The following SCN9A variants were observed in gnomAD, a reference collection of about 807,000 sequenced individuals.
SCN9A encodes the protein sodium voltage-gated channel alpha subunit 9, also known as sodium channel protein type 9 subunit alpha.
In SCN9A, 131 loss-of-function variants were observed where a neutral mutation model predicts 187.0. That is an observed-to-expected ratio of 0.70 (90% CI 0.61 to 0.81). The LOEUF (loss-of-function observed/expected upper bound fraction) is 0.81, where lower values mean the gene tolerates loss of function less well. Ranked by LOEUF, SCN9A falls within the 30% of genes least tolerant of loss-of-function variation. The pLI is 0.00. For synonymous variants in SCN9A, 809 were observed against 808.6 expected (o/e 1.00, Z -0.01); for missense variants, 2,252 against 2,396.6 (o/e 0.94, Z 1.26).
chr2:166,291,665 CA>C (rs1698076654), intron 9 of SCN9A, among the ~76,000 whole-genome samples: 1 of 152,148 alleles, frequency 6.6e-6, no homozygotes, highest in Non-Finnish European at 1.5e-5. Context: ...TACCTGACTT[CA>C]AACTATACTA....
intron 20 of SCN9A, among the ~76,000 whole-genome samples, chr2:166,233,859 G>T (rs1695200619): frequency 6.6e-6 from 1 of 152,092 alleles, no homozygotes; most frequent in Admixed American, 6.5e-5. Context: ...AGCCCTAAAA[G>T]TGTGGTATTC....
intron 26 of SCN9A, among the ~76,000 whole-genome samples, chr2:166,202,250 A>G (rs573285923): frequency 1.3e-5 from 2 of 151,610 alleles, no homozygotes; most frequent in Non-Finnish European, 3.0e-5. Context: ...AAGGACTATA[A>G]GAGTATATGG....
chr2:166,321,596 A>G (rs143699917), intron 1 of SCN9A: 1 of 152,174 alleles, frequency 6.6e-6, no homozygotes, highest in East Asian at 1.9e-4. Flanking sequence ...ATTATGTTCA[A>G]TTAAAGAAAG....
chr2:166,349,723 A>G (rs577086434), intron 1 of SCN9A, among the ~76,000 whole-genome samples: 2 of 152,306 alleles, frequency 1.3e-5, no homozygotes, highest in East Asian at 3.9e-4. Flanking sequence ...CTGTAATCCC[A>G]GCACTTTGGA....
chr2:166,239,047 C>T (rs6432888), intron 19 of SCN9A, among the ~76,000 whole-genome samples: 130,757 of 152,108 alleles, frequency 0.86, 56,298 homozygotes, highest in East Asian at 0.95. Context: ...TGTGTATGCT[C>T]TTCTGTCTGA....
chr2:166,203,156 C>T (rs1435018611), intron 26 of SCN9A, among the ~76,000 whole-genome samples: 1 of 151,746 alleles, frequency 6.6e-6, no homozygotes, highest in Admixed American at 6.6e-5. Flanking sequence ...ATTTTAAATG[C>T]TTACTCTGTT....
In SCN9A at chr2:166,295,621, T is replaced by C. The variant is rs144664260; in HGVS notation, c.902-959A>G. ...TCTTATGAGATCACCATTATATATA[T>C]GGTCCGCTATTGACTAAAACATCCT... On this transcript the variant is annotated intron_variant, in intron 7 of 26. Coordinates refer to ENST00000642356, the MANE Select transcript of SCN9A (RefSeq NM_001365536.1). 4.3e-4 allele frequency among the ~76,000 whole-genome samples: 66 copies of C among 152,314 alleles called. 1 individual carries two copies. The highest frequency in any genetic ancestry group is 1.5e-3 in the African/African-American group (63 of 41,568).
At chr2:166,313,441 G>T (rs1169582196) in intron 1 of SCN9A, among the ~76,000 whole-genome samples, 1 of 152,060 alleles carries the variant, frequency 6.6e-6, no homozygotes, top group Non-Finnish European at 1.5e-5. Context: ...TTCTCCATTG[G>T]CACTTGCTGT....
intron 26 of SCN9A, among the ~76,000 whole-genome samples, chr2:166,202,608 A>G (rs1187179151): frequency 6.6e-6 from 1 of 151,808 alleles, no homozygotes; most frequent in East Asian, 1.9e-4. Context: ...TCTTAATTAC[A>G]ATGAGAGAAG....
chr2:166,317,433 C>A (rs963433638), intron 1 of SCN9A, among the ~76,000 whole-genome samples: 2 of 152,072 alleles, frequency 1.3e-5, no homozygotes, highest in African/African-American at 4.8e-5. Flanking sequence ...TTTCTCATTA[C>A]TATCTTACCC....
In SCN9A at chr2:166,311,720, C is replaced by T. The variant is rs779738791; in HGVS notation, c.37G>A (p.Val13Ile). ...GCAAGAGACTGTTTTGTGAAATGGA[C>T]AAAGCTCTGAGGTCCTGGGGGAGGC... Reference protein sequence around the residue: ...MLPPPGPQSFVHFTKQSLALI... With the variant: ...MLPPPGPQSFIHFTKQSLALI... The change falls in exon 2 of 27, where the codon GTC (valine) becomes ATC (isoleucine). Residue 13 changes from valine (V) to isoleucine (I), a missense_variant. Physicochemically the swap from Val to Ile is conservative, Grantham distance 29 (BLOSUM62 3). Coordinates refer to ENST00000642356, the MANE Select transcript of SCN9A (RefSeq NM_001365536.1). The T allele has an allele frequency of 1.9e-6, 3 of 1,610,704 alleles. No homozygotes were observed. The highest frequency in any genetic ancestry group is 1.3e-5 in the African/African-American group (1 of 74,902).
At position 166,196,460 on chromosome 2, in the gene SCN9A, A is replaced by AT. The variant is rs1416224518; in HGVS notation, c.*2211dup. The AT allele has an allele frequency of 6.6e-6, 1 of 152,150 alleles. No individual in the cohort carries two copies. The highest frequency in any genetic ancestry group is 1.5e-5 in the Non-Finnish European group (1 of 67,990). The allele number at this position is 152,150 out of a possible 1,614,324, so 9.4% of individuals were successfully genotyped here. ...TGTTGTTAACAAACCAGTTGCCCAT[A>AT]TTTTTTATTTTACATAAAAACAAGG... On this transcript the variant is annotated 3_prime_UTR_variant, in exon 27 of 27. Transcript: ENST00000642356.
intron 22 of SCN9A, 107 bp downstream of exon 22, chr2:166,228,584 C>A (rs548599412): frequency 3.6e-6 from 4 of 1,124,032 alleles, no homozygotes; most frequent in East Asian, 5.1e-5. Context: ...AAAAACCACA[C>A]AGTATTTTAT....
chr2:166,226,791 G>C, intron 23 of SCN9A, 87 bp from the exon 24 acceptor site: 2 of 958,692 alleles, frequency 2.1e-6, no homozygotes. Context: ...AATTCAAACA[G>C]TGCTATCCTA....
At chr2:166,207,248 T>C (rs1352301319) in intron 24 of SCN9A, among the ~76,000 whole-genome samples, 4 of 152,194 alleles carry the variant, frequency 2.6e-5, no homozygotes, top group Admixed American at 2.0e-4. Context: ...GTGCTGGAAT[T>C]AAAGATGACC....
chr2:166,293,828 A>G (rs1698184030), intron 8 of SCN9A, among the ~76,000 whole-genome samples: 1 of 152,230 alleles, frequency 6.6e-6, no homozygotes, highest in African/African-American at 2.4e-5. Context: ...AGTCAATAAT[A>G]GTCAAAATAT....
intron 1 of SCN9A, among the ~76,000 whole-genome samples, chr2:166,315,476 A>G (rs950303344): frequency 6.6e-6 from 1 of 152,200 alleles, no homozygotes; most frequent in African/African-American, 2.4e-5. Flanking sequence ...TAGTGGTACC[A>G]TGCATGGGCA....
At position 166,280,407 on chromosome 2, in the gene SCN9A, G is replaced by A; in HGVS notation, c.2293C>T (p.His765Tyr). The change falls in exon 14 of 27, where the codon CAC becomes TAC. Residue 765 changes from histidine to tyrosine, a missense_variant. By Grantham distance (83) the His-to-Tyr change is moderately conservative. Around this residue, in one of 7 missense-constraint regions of SCN9A, gnomAD observed 1,013 missense variants for 997.4 expected, o/e 1.02. Coordinates refer to ENST00000642356, the MANE Select transcript of SCN9A (RefSeq NM_001365536.1). ...TTGAATTCCTCAGTCATTGGGTGGT[G>A]TTCCATAGCCATAAATAATGTGTTT... is the stretch of plus-strand genomic sequence containing the variant. Reference protein sequence around the residue: ...VLNTLFMAMEHHPMTEEFKNV... With the variant: ...VLNTLFMAMEYHPMTEEFKNV... 3 of 1,591,016 alleles carry A rather than the reference G, an allele frequency of 1.9e-6. No homozygotes were observed. The highest frequency in any genetic ancestry group is 2.6e-6 in the Non-Finnish European group (3 of 1,167,104).
intron 20 of SCN9A, among the ~76,000 whole-genome samples, chr2:166,235,479 T>C (rs1300129744): frequency 2.0e-5 from 3 of 152,122 alleles, no homozygotes; most frequent in Non-Finnish European, 4.4e-5. Flanking sequence ...TTCTGAAATC[T>C]GAATATACAA....
Sources: gnomAD v4.1 joint callset for allele counts (sites outside exome capture counted in the v4.1 genomes callset) on GRCh38, gnomAD v4.1.1 for gene constraint, gnomAD v4.1.1 regional missense constraint, MANE v1.5 for transcripts, NCBI Gene and HGNC (gene_info 2026-07-23, HGNC 2026-07-21) for gene names.